ABCB1: variants seen among roughly 807,000 people sequenced by gnomAD.
ABCB1 encodes ATP binding cassette subfamily B member 1.
In ABCB1, 69 loss-of-function variants were observed where a neutral mutation model predicts 142.0. The ratio of observed to expected loss-of-function variants is 0.49; its 90% CI spans 0.40 to 0.59. The LOEUF (loss-of-function observed/expected upper bound fraction) is 0.59, where lower values mean the gene tolerates loss of function less well. Ranked by LOEUF, ABCB1 falls within the 20% of genes least tolerant of loss-of-function variation. ABCB1 has a pLI of 0.00. For missense variants in ABCB1, 1,326 were observed against 1,554.7 expected (o/e 0.85, Z 2.47); for synonymous variants, 532 against 539.2 (o/e 0.99, Z 0.18).
chr7:87,710,751 T>G, intron 1 of ABCB1: 1 of 620,736 alleles, frequency 1.6e-6, no homozygotes, highest in Non-Finnish European at 2.7e-6. Context: ...TCTAAAATCC[T>G]CAACTGTTTT....
chr7:87,524,514 C>T (rs989098019), intron 21 of ABCB1, among the ~76,000 whole-genome samples: 4 of 151,554 alleles, frequency 2.6e-5, no homozygotes, highest in South Asian at 2.1e-4. Context: ...TGTTCTCACT[C>T]ATAGGTGGGA....
chr7:87,631,786 C>T (rs748672995), intron 1 of ABCB1, among the ~76,000 whole-genome samples: 3 of 152,144 alleles, frequency 2.0e-5, no homozygotes, highest in Non-Finnish European at 2.9e-5. Context: ...TCTAGGTTGA[C>T]TTTATCATTA....
At chr7:87,606,430 T>A (rs1366518966) in intron 1 of ABCB1, among the ~76,000 whole-genome samples, 1 of 152,084 alleles carries the variant, frequency 6.6e-6, no homozygotes, top group Non-Finnish European at 1.5e-5. Context: ...AAAGAAATAA[T>A]TCCAAGTACA....
chr7:87,530,584 A>G (rs1447567904), intron 21 of ABCB1, among the ~76,000 whole-genome samples: 1 of 152,148 alleles, frequency 6.6e-6, no homozygotes, highest in East Asian at 1.9e-4. Flanking sequence ...GCAGGGGAAA[A>G]AAAAGAAGTA....
intron 1 of ABCB1, among the ~76,000 whole-genome samples, chr7:87,639,896 A>G (rs1441112130): frequency 6.6e-6 from 1 of 151,664 alleles, no homozygotes; most frequent in Non-Finnish European, 1.5e-5. Context: ...TTACTATTAT[A>G]TTTGGATTTA....
chr7:87,629,155 G>T (rs1820943410), intron 1 of ABCB1: 2 of 415,204 alleles, frequency 4.8e-6, no homozygotes, highest in South Asian at 1.4e-4. Context: ...GTCAGTTCCA[G>T]TGCTGAAGGT....
At position 87,504,460 on chromosome 7, in the gene ABCB1, A is replaced by G; in HGVS notation, c.3637-11T>C. On this transcript the variant is annotated splice_polypyrimidine_tract_variant and intron_variant, in intron 27 of 27. Transcript: ENST00000622132. ...GGCTTCTTGGACAACCTATTCCATA[A>G]TCACATAGATTAATTCTCATAATAG... The G allele has an allele frequency of 6.2e-7, 1 of 1,613,984 alleles. No homozygotes were observed.
chr7:87,701,385 T>A (rs1322056550), intron 1 of ABCB1, among the ~76,000 whole-genome samples: 1 of 152,264 alleles, frequency 6.6e-6, no homozygotes, highest in Non-Finnish European at 1.5e-5. Context: ...GTTCACCATC[T>A]TAAGCTTCAT....
intron 17 of ABCB1, among the ~76,000 whole-genome samples, chr7:87,542,519 C>T (rs956631325): frequency 6.6e-6 from 1 of 152,172 alleles, no homozygotes; most frequent in Non-Finnish European, 1.5e-5. Context: ...GTCTGGTTGC[C>T]TACTCAATAT....
chr7:87,590,363 C>G (rs1404993921), intron 3 of ABCB1, among the ~76,000 whole-genome samples: 3 of 152,176 alleles, frequency 2.0e-5, no homozygotes, highest in Non-Finnish European at 2.9e-5. Context: ...TCTCCTGCCT[C>G]CACGGAGCCT....
intron 21 of ABCB1, chr7:87,522,160 G>A: frequency 6.9e-7 from 1 of 1,452,044 alleles, no homozygotes; most frequent in South Asian, 1.1e-5. Context: ...CAGCTGTGGT[G>A]GTGGTGGATA....
chr7:87,526,336 A>G (rs1815782649), intron 21 of ABCB1, among the ~76,000 whole-genome samples: 1 of 152,020 alleles, frequency 6.6e-6, no homozygotes, highest in Non-Finnish European at 1.5e-5. Flanking sequence ...CTACCATAGC[A>G]TTAACAATCC....
chr7:87,644,106 G>A (rs1362310402), intron 1 of ABCB1, among the ~76,000 whole-genome samples: 2 of 152,126 alleles, frequency 1.3e-5, no homozygotes, highest in Non-Finnish European at 2.9e-5. Flanking sequence ...TGATCCACCC[G>A]CCTTGGCCTC....
Position 87,509,395 on chromosome 7 carries a change from A to C in ABCB1, c.3369T>G (p.Phe1123Leu). 7 of 1,614,190 alleles carry C rather than the reference A, an allele frequency of 4.3e-6. No individual in the cohort carries two copies. The highest frequency in any genetic ancestry group is 5.9e-6 in the Non-Finnish European group (7 of 1,180,034). ...CAATGTTCTCAGCAATGCTGCAGTC[A>C]AACAGGATGGGCTCCTGGGACACGA... The part of the protein sequence containing the change: ...LGIVSQEPIL[F>L]DCSIAENIAY... The change falls in exon 26 of 28, where the codon TTT (phenylalanine) becomes TTG (leucine). Residue 1123 changes from phenylalanine to leucine, a missense_variant. Phe to Leu is a conservative substitution (Grantham distance 22). Coordinates refer to ENST00000622132, the MANE Select transcript of ABCB1 (RefSeq NM_001348946.2).
chr7:87,644,149 G>A (rs977108248), intron 1 of ABCB1, among the ~76,000 whole-genome samples: 2 of 152,238 alleles, frequency 1.3e-5, no homozygotes, highest in East Asian at 1.9e-4. Flanking sequence ...GTGAGCCACC[G>A]TGCCCAGACC....
At chr7:87,625,256 CAA>C (rs533472824) in intron 1 of ABCB1, among the ~76,000 whole-genome samples, 5 of 124,574 alleles carry the variant, frequency 4.0e-5, no homozygotes, top group Admixed American at 8.3e-5. Context: ...GACTGCGTCT[CAA>C]AAAAAAAAAA....
intron 1 of ABCB1, among the ~76,000 whole-genome samples, chr7:87,643,541 G>A (rs1329603457): frequency 6.6e-6 from 1 of 152,216 alleles, no homozygotes; most frequent in Non-Finnish European, 1.5e-5. Context: ...TGGGTGCGGG[G>A]CAGGGAGTCT....
chr7:87,691,676 A>G (rs1167184213), intron 1 of ABCB1, among the ~76,000 whole-genome samples: 1 of 152,146 alleles, frequency 6.6e-6, no homozygotes, highest in African/African-American at 2.4e-5. Flanking sequence ...TACGTTTTAT[A>G]TAAAAAATAT....
chr7:87,694,124 C>A, intron 1 of ABCB1: 1 of 705,440 alleles, frequency 1.4e-6, no homozygotes, highest in Non-Finnish European at 1.7e-6. Context: ...ATCCAGAGAG[C>A]ACAAGTATGC....
Sources: allele counts gnomAD v4.1 joint callset (sites outside exome capture counted in the v4.1 genomes callset), GRCh38; gene constraint gnomAD v4.1.1; transcripts MANE v1.5; gene names NCBI Gene and HGNC (gene_info 2026-07-23, HGNC 2026-07-21).